GRIN2B: variants seen among roughly 807,000 people sequenced by gnomAD.
The protein encoded by GRIN2B is glutamate ionotropic receptor NMDA type subunit 2B.
In GRIN2B, 5 loss-of-function variants were observed where a neutral mutation model predicts 114.5. The ratio of observed to expected loss-of-function variants is 0.04; its 90% confidence interval spans 0.02 to 0.09. The LOEUF is 0.09. Ranked by LOEUF, GRIN2B falls within the 10% of genes least tolerant of loss-of-function variation. The pLI, the probability that GRIN2B is intolerant of heterozygous loss-of-function variation, is 1.00. For synonymous variants in GRIN2B, 787 were observed against 745.1 expected (o/e 1.06, Z -0.92); for missense variants, 1,108 against 1,943.5 (o/e 0.57, Z 8.08).
intron 10 of GRIN2B, among the ~76,000 whole-genome samples, chr12:13,602,786 C>T (rs1949179129): frequency 6.6e-6 from 1 of 152,186 alleles, no homozygotes; most frequent in Non-Finnish European, 1.5e-5. Context: ...TCCAGTGTTG[C>T]AGGCAAAGAT....
chr12:13,938,976 C>T lies in GRIN2B; in HGVS notation c.-19+40952G>A, dbSNP rs372314323. On this transcript the variant is annotated intron_variant, in intron 2 of 13. Transcript: ENST00000609686. ...TGCCATTACATCAAACTTCAACTTA[C>T]GCTCATTCAGGAAAGAAAGAAAAGA... Among the ~76,000 whole-genome samples the T allele has an allele frequency of 6.6e-5, 10 of 152,084 alleles. No individual in the cohort carries two copies. The East Asian group carries it at 1.2e-3, about 18-fold the overall frequency.
intron 3 of GRIN2B, among the ~76,000 whole-genome samples, chr12:13,838,572 T>C (rs995300108): frequency 5.9e-5 from 9 of 152,180 alleles, no homozygotes; most frequent in Non-Finnish European, 8.8e-5. Flanking sequence ...ACTATCTGTC[T>C]CTTCCTGTCT....
chr12:13,563,244 C>T lies in GRIN2B; in HGVS notation c.3994G>A (p.Asp1332Asn), dbSNP rs200421469. ...VSLKDKGRFMDGSPYAHMFEM... is the reference protein window; with the variant it reads ...VSLKDKGRFMNGSPYAHMFEM... ...AACATGTGGGCGTAGGGGCTCCCAT[C>T]CATGAATCGGCCCTTGTCTTTCAGG... The change falls in exon 14 of 14, where the codon GAT (aspartate) becomes AAT (asparagine). Residue 1332 changes from aspartate to asparagine, a missense_variant. Around this residue, in one of 19 missense-constraint regions of GRIN2B, gnomAD observed 478 missense variants for 506.0 expected, o/e 0.94. Transcript: ENST00000609686. The T allele has an allele frequency of 3.7e-6, 6 of 1,614,250 alleles. No homozygotes were observed. In the Admixed American group the frequency reaches 1.0e-4, roughly 27 times the overall value.
intron 3 of GRIN2B, among the ~76,000 whole-genome samples, chr12:13,811,921 C>T (rs937946215): frequency 6.6e-6 from 1 of 152,180 alleles, no homozygotes; most frequent in Admixed American, 6.5e-5. Flanking sequence ...TATGAATGGG[C>T]CTCAAGGGAT....
At chr12:13,875,848 A>C (rs1416003180) in intron 2 of GRIN2B, among the ~76,000 whole-genome samples, 1 of 152,240 alleles carries the variant, frequency 6.6e-6, no homozygotes. Flanking sequence ...CATTTGATAA[A>C]TGTTTGTTGA....
chr12:13,865,617 A>T (rs1432124498), intron 3 of GRIN2B, among the ~76,000 whole-genome samples, 181 bp downstream of exon 3: 1 of 152,058 alleles, frequency 6.6e-6, no homozygotes, highest in East Asian at 1.9e-4. Context: ...GGCTGACAAG[A>T]GCAAAACTCT....
At chr12:13,610,284 C>A (rs941990857) in intron 9 of GRIN2B, among the ~76,000 whole-genome samples, 3 of 152,176 alleles carry the variant, frequency 2.0e-5, no homozygotes, top group Admixed American at 1.3e-4. Flanking sequence ...ATGTTGAATT[C>A]CTCTGTGAAG....
At chr12:13,774,469 G>A (rs1863965943) in intron 3 of GRIN2B, among the ~76,000 whole-genome samples, 1 of 152,172 alleles carries the variant, frequency 6.6e-6, no homozygotes, top group Admixed American at 6.5e-5. Context: ...ATATGAATGG[G>A]AATAGTGCTG....
chr12:13,813,066 A>G (rs1213626754), intron 3 of GRIN2B, among the ~76,000 whole-genome samples: 1 of 151,214 alleles, frequency 6.6e-6, no homozygotes, highest in East Asian at 2.0e-4. Flanking sequence ...CAGCCTCCCA[A>G]CTAGCTGGGA....
chr12:13,961,335 G>A (rs1342649197), intron 2 of GRIN2B, among the ~76,000 whole-genome samples: 2 of 152,048 alleles, frequency 1.3e-5, no homozygotes, highest in Non-Finnish European at 2.9e-5. Context: ...GTCACAAGGA[G>A]AGAGGATCCA....
At chr12:13,911,837 T>C (rs968149286) in intron 2 of GRIN2B, among the ~76,000 whole-genome samples, 1 of 152,194 alleles carries the variant, frequency 6.6e-6, no homozygotes, top group African/African-American at 2.4e-5. Context: ...CTCTGTTTTT[T>C]TCCAACCCCT....
chr12:13,750,803 G>C (rs1863471503), intron 4 of GRIN2B, among the ~76,000 whole-genome samples: 1 of 152,142 alleles, frequency 6.6e-6, no homozygotes, highest in Non-Finnish European at 1.5e-5. Context: ...CAGGAAATGG[G>C]GTCAGAGAAA....
chr12:13,925,704 C>T (rs1866900660), intron 2 of GRIN2B, among the ~76,000 whole-genome samples: 1 of 152,062 alleles, frequency 6.6e-6, no homozygotes, highest in South Asian at 2.1e-4. Context: ...CTTACTCCAC[C>T]TTTCATTCCT....
intron 4 of GRIN2B, among the ~76,000 whole-genome samples, chr12:13,676,411 C>A (rs1020323130): frequency 6.6e-6 from 1 of 152,038 alleles, no homozygotes; most frequent in African/African-American, 2.4e-5. Context: ...TGACTTTGAG[C>A]AAATTACTCA....
intron 9 of GRIN2B, among the ~76,000 whole-genome samples, chr12:13,610,541 T>A (rs1047610569): frequency 2.6e-5 from 4 of 152,208 alleles, no homozygotes; most frequent in Non-Finnish European, 5.9e-5. Flanking sequence ...GGCCCCTGAT[T>A]GTACCATGCC....
At chr12:13,688,425 T>C (rs777730672) in intron 4 of GRIN2B, among the ~76,000 whole-genome samples, 3 of 152,084 alleles carry the variant, frequency 2.0e-5, no homozygotes, top group African/African-American at 7.2e-5. Context: ...CAGAGGCACA[T>C]TACTGGTAAG....
intron 3 of GRIN2B, among the ~76,000 whole-genome samples, chr12:13,854,571 G>C (rs1337606804): frequency 6.6e-6 from 1 of 152,018 alleles, no homozygotes; most frequent in Non-Finnish European, 1.5e-5. Flanking sequence ...CATGCAGAAA[G>C]GGAAACACTA....
At chr12:13,883,986 G>A (rs569321604) in intron 2 of GRIN2B, among the ~76,000 whole-genome samples, 10 of 152,134 alleles carry the variant, frequency 6.6e-5, no homozygotes, top group South Asian at 2.1e-4. Context: ...GCTATGAGTC[G>A]AGGTTCATTT....
At chr12:13,758,331 C>T (rs1425427422) in intron 3 of GRIN2B, among the ~76,000 whole-genome samples, 1 of 152,098 alleles carries the variant, frequency 6.6e-6, no homozygotes, top group African/African-American at 2.4e-5. Flanking sequence ...GTCTGCTTCC[C>T]TGGGAACCTG....
Sources: allele counts gnomAD v4.1 joint callset (sites outside exome capture counted in the v4.1 genomes callset), GRCh38; gene constraint gnomAD v4.1.1; regional missense constraint gnomAD v4.1.1; transcripts MANE v1.5; gene names NCBI Gene and HGNC (gene_info 2026-07-23, HGNC 2026-07-21).